The following TMEM178B variants were observed in gnomAD, a reference collection of about 807,000 sequenced individuals.
The protein encoded by TMEM178B is transmembrane protein 178B.
A neutral mutation model predicts 31.0 loss-of-function variants in TMEM178B; 5 were observed. The ratio of observed to expected loss-of-function variants is 0.16; its 90% confidence interval spans 0.08 to 0.34. The LOEUF is 0.34. TMEM178B is among the 10% of genes least tolerant of loss of function. The pLI is 1.00. For missense variants in TMEM178B, 275 were observed against 400.3 expected (o/e 0.69, Z 2.67); for synonymous variants, 164 against 164.0 (o/e 1.00, Z 0.00).
At chr7:141,179,948 G>T (rs1158693978) in intron 1 of TMEM178B, among the ~76,000 whole-genome samples, 1 of 152,042 alleles carries the variant, frequency 6.6e-6, no homozygotes, top group East Asian at 1.9e-4. Context: ...CTCTTCTCAG[G>T]CCCTCACACT....
At chr7:141,391,538 A>C (rs772458306) in intron 2 of TMEM178B, among the ~76,000 whole-genome samples, 1 of 152,164 alleles carries the variant, frequency 6.6e-6, no homozygotes, top group African/African-American at 2.4e-5. Flanking sequence ...TTAAATATAC[A>C]TAAGATTTAC....
intron 1 of TMEM178B, among the ~76,000 whole-genome samples, chr7:141,079,379 A>G (rs1586756104): frequency 6.6e-6 from 1 of 152,348 alleles, no homozygotes; most frequent in Admixed American, 6.5e-5. Context: ...ATTGTATGGG[A>G]CAGTGCAGAT....
chr7:141,359,511 C>A (rs1799880318), intron 2 of TMEM178B, among the ~76,000 whole-genome samples: 1 of 152,180 alleles, frequency 6.6e-6, no homozygotes, highest in African/African-American at 2.4e-5. Context: ...TGACTGTAAA[C>A]AATCGTGATG....
intron 2 of TMEM178B, among the ~76,000 whole-genome samples, chr7:141,337,128 T>G (rs62651314): frequency 9.9e-5 from 3 of 30,438 alleles, no homozygotes; most frequent in Admixed American, 3.5e-4. Flanking sequence ...ATCACCACCA[T>G]CACCACCACC....
At chr7:141,084,250 C>G (rs1794741011) in intron 1 of TMEM178B, among the ~76,000 whole-genome samples, 1 of 152,092 alleles carries the variant, frequency 6.6e-6, no homozygotes, top group Non-Finnish European at 1.5e-5. Flanking sequence ...TTTGCTTTTT[C>G]TGAACAGAGC....
intron 3 of TMEM178B, among the ~76,000 whole-genome samples, chr7:141,466,477 T>C (rs569861043): frequency 6.6e-6 from 1 of 152,354 alleles, no homozygotes; most frequent in East Asian, 1.9e-4. Context: ...TATATCCAGC[T>C]TCATCAGCTA....
chr7:141,262,927 C>G (rs1274802504), intron 2 of TMEM178B, among the ~76,000 whole-genome samples: 1 of 152,188 alleles, frequency 6.6e-6, no homozygotes, highest in African/African-American at 2.4e-5. Flanking sequence ...TCAGCTCACT[C>G]TAGGCCTTTA....
intron 2 of TMEM178B, among the ~76,000 whole-genome samples, chr7:141,342,550 G>A (rs570443456): frequency 6.6e-6 from 1 of 152,318 alleles, no homozygotes; most frequent in African/African-American, 2.4e-5. Flanking sequence ...ATGACCCTCA[G>A]GGAGGCAGAA....
chr7:141,459,077 T>G (rs187070928), intron 3 of TMEM178B, among the ~76,000 whole-genome samples: 83 of 152,362 alleles, frequency 5.4e-4, no homozygotes, highest in Admixed American at 1.3e-3. Context: ...TTGCCCAGGC[T>G]CGTGTGCAAT....
Position 141,142,332 on chromosome 7 carries a change from A to G in TMEM178B, c.382+67640A>G, listed in dbSNP as rs117081451. Among the ~76,000 whole-genome samples, 93 of 137,544 alleles carry G rather than the reference A, an allele frequency of 6.8e-4. No homozygotes were observed. The East Asian group carries it at 7.0e-3, about 10-fold the overall frequency. The allele number at this position is 137,544 out of a possible 152,430, so 90.2% of individuals were successfully genotyped here. ...ATCTGGACTGATTCCATGTCTTGCT[A>G]TTGTGAATAGTGCTGTGAGGAACAT... On this transcript the variant is annotated intron_variant, in intron 1 of 3. Transcript: ENST00000565468.
At chr7:141,302,232 T>C (rs1380158097) in intron 2 of TMEM178B, among the ~76,000 whole-genome samples, 3 of 152,216 alleles carry the variant, frequency 2.0e-5, no homozygotes, top group African/African-American at 7.2e-5. Context: ...GGTGTATCCA[T>C]ACAATGGTCC....
intron 2 of TMEM178B, among the ~76,000 whole-genome samples, chr7:141,424,381 A>T (rs764079815): frequency 1.3e-5 from 2 of 152,200 alleles, no homozygotes; most frequent in South Asian, 4.1e-4. Flanking sequence ...TCCACAGTAC[A>T]TGCGCACTGT....
chr7:141,383,291 C>CGTAT (rs1280921331), intron 2 of TMEM178B, among the ~76,000 whole-genome samples: 1 of 151,588 alleles, frequency 6.6e-6, no homozygotes, highest in East Asian at 1.9e-4. Context: ...CATATGTATA[C>CGTAT]ATGTGCCATG....
chr7:141,118,579 C>T (rs889511677), intron 1 of TMEM178B, among the ~76,000 whole-genome samples: 22 of 152,156 alleles, frequency 1.4e-4, no homozygotes, highest in African/African-American at 5.3e-4. Flanking sequence ...TCTGTGACCC[C>T]AGGGGGGAAG....
intron 2 of TMEM178B, among the ~76,000 whole-genome samples, chr7:141,239,576 C>G (rs1797584526): frequency 6.6e-6 from 1 of 152,196 alleles, no homozygotes; most frequent in African/African-American, 2.4e-5. Context: ...CGAGTCTCAG[C>G]AGGGGGATGA....
intron 2 of TMEM178B, among the ~76,000 whole-genome samples, chr7:141,306,173 C>T (rs1798812604): frequency 6.6e-6 from 1 of 152,222 alleles, no homozygotes; most frequent in South Asian, 2.1e-4. Flanking sequence ...AGCCTAGTCT[C>T]TTGCAGCTAA....
intron 1 of TMEM178B, among the ~76,000 whole-genome samples, chr7:141,089,763 A>C (rs537095301): frequency 6.9e-4 from 105 of 152,216 alleles, no homozygotes; most frequent in African/African-American, 2.4e-3. Context: ...TGCAAGGACA[A>C]AAAACCAAAC....
intron 1 of TMEM178B, among the ~76,000 whole-genome samples, chr7:141,130,247 CT>C (rs1330719934): frequency 6.6e-6 from 1 of 152,086 alleles, no homozygotes; most frequent in African/African-American, 2.4e-5. Flanking sequence ...AGATTTTCTT[CT>C]TTGTCACATA....
chr7:141,138,746 G>T (rs11773642), intron 1 of TMEM178B, among the ~76,000 whole-genome samples: 1 of 152,074 alleles, frequency 6.6e-6, no homozygotes, highest in African/African-American at 2.4e-5. Context: ...ACTTTGGGAG[G>T]CTGAGGCGGG....
Sources: gnomAD v4.1 joint callset for allele counts (sites outside exome capture counted in the v4.1 genomes callset) on GRCh38, gnomAD v4.1.1 for gene constraint, MANE v1.5 for transcripts, NCBI Gene and HGNC (gene_info 2026-07-23, HGNC 2026-07-21) for gene names.